The following FURIN variants were observed in gnomAD, a reference collection of about 807,000 sequenced individuals.
The protein encoded by FURIN is furin, paired basic amino acid cleaving enzyme, also known as FES upstream region.
FURIN carries 18 observed loss-of-function variants against 89.2 expected under a neutral mutation model. That is an observed-to-expected ratio of 0.20 (90% CI 0.14 to 0.30). The LOEUF (loss-of-function observed/expected upper bound fraction) is 0.30, where lower values mean the gene tolerates loss of function less well. Ranked by LOEUF, FURIN falls within the 10% of genes least tolerant of loss-of-function variation. The probability of loss-of-function intolerance (pLI) is 1.00; values close to 1 mark genes in which losing one functional copy is unlikely to be tolerated. For missense variants in FURIN, 879 were observed against 1,100.5 expected (o/e 0.80, Z 2.85); for synonymous variants, 508 against 466.4 (o/e 1.09, Z -1.15).
chr15:90,871,879 C>T (rs1252469556), intron 1 of FURIN, among the ~76,000 whole-genome samples: 1 of 150,528 alleles, frequency 6.6e-6, no homozygotes, highest in African/African-American at 2.4e-5. Flanking sequence ...CGCTCCGCAG[C>T]CCACCTGAGC....
Position 90,876,943 on chromosome 15 carries a change from G to T in FURIN, c.420G>T (p.Gln140His), listed in dbSNP as rs1386956936. ...TGAATGTGAAGGCGGCCTGGGCGCA[G>T]GGCTACACAGGGCACGGCATTGTGG... ...RDLNVKAAWAQGYTGHGIVVS... is the reference protein window; with the variant it reads ...RDLNVKAAWAHGYTGHGIVVS... Residue 140 changes from glutamine (Q) to histidine (H), a missense_variant, in exon 5 of 16, where the codon CAG becomes CAT. Gln to His is a conservative substitution (Grantham distance 24). Around this residue, in one of 5 missense-constraint regions of FURIN, gnomAD observed 139 missense variants for 215.0 expected, o/e 0.65. Transcript: ENST00000268171. This position sits in a 1 kb window ranked among gnomAD's most constrained non-coding sequence, Gnocchi z 5.0. 2.5e-6 allele frequency: 4 copies of T among 1,614,112 alleles called. No homozygotes were observed.
chr15:90,881,751 A>C lies in FURIN; in HGVS notation c.2258A>C (p.Asp753Ala), dbSNP rs1467805566. 1.2e-6 allele frequency: 2 copies of C among 1,611,102 alleles called. No homozygotes were observed. Among genetic ancestry groups the C allele is most frequent in the African/African-American group, 1.3e-5 (1 of 74,742 alleles). ...SFRGVKVYTM[D>A]RGLISYKGLP... is the part of the protein sequence containing the mutation. Reference sequence around the variant, plus strand: ...CGGGGGGTGAAGGTGTACACCATGGACCGTGGCCTCATCTCCTACAAGGGG... The same window carrying C: ...CGGGGGGTGAAGGTGTACACCATGGCCCGTGGCCTCATCTCCTACAAGGGG... Residue 753 changes from aspartate (D) to alanine (A), a missense_variant, in exon 16 of 16, where the codon GAC becomes GCC. Asp to Ala is a moderately radical substitution (Grantham distance 126). Coordinates refer to ENST00000268171, the MANE Select transcript of FURIN (RefSeq NM_002569.4). This position sits in a 1 kb window ranked among gnomAD's most constrained non-coding sequence, Gnocchi z 4.3.
chr15:90,879,306 TG>T, intron 9 of FURIN, 137 bp from the exon 10 acceptor site: 1 of 683,824 alleles, frequency 1.5e-6, no homozygotes. Flanking sequence ...AGGCAGCAGC[TG>T]GGACCTGGGG....
intron 1 of FURIN, among the ~76,000 whole-genome samples, chr15:90,873,279 C>G (rs1366413748): frequency 2.0e-5 from 3 of 152,202 alleles, no homozygotes; most frequent in African/African-American, 7.2e-5. Flanking sequence ...TAGAGGGAGG[C>G]TGGCCCTCTT....
chr15:90,878,566 G>A (rs946446156), intron 8 of FURIN, among the ~76,000 whole-genome samples, 198 bp from the exon 9 acceptor site: 10 of 152,250 alleles, frequency 6.6e-5, no homozygotes, highest in African/African-American at 2.2e-4. Flanking sequence ...CGATCCTCCC[G>A]CCTTGGCCTC....
chr15:90,878,734 T>G (rs1471908658), intron 8 of FURIN, 30 bp from the exon 9 acceptor site: 24 of 1,397,426 alleles, frequency 1.7e-5, no homozygotes, highest in Non-Finnish European at 2.4e-5. Flanking sequence ...AGTCCCAATC[T>G]TGAATGACCC....
rs1289043565 is a variant in FURIN, at chr15:90,876,898, T to C, written c.375T>C (p.Ser125=). ...TGATGGGGTGGGTGTCTCCACAGTC[T>C]GGTGTCACTCAGCGGGACCTGAATG... ...DPKFPQQWYL[S]GVTQRDLNVK... Residue 125 remains serine (S), a splice_region_variant and synonymous_variant, in exon 5 of 16, where the codon TCT becomes TCC. Coordinates refer to ENST00000268171, the MANE Select transcript of FURIN (RefSeq NM_002569.4). The surrounding 1 kb of genome is among the most constrained non-coding windows in gnomAD (Gnocchi z 5.0). The C allele has an allele frequency of 6.2e-7, 1 of 1,614,108 alleles. No individual in the cohort carries two copies. The highest frequency in any genetic ancestry group is 1.7e-5 in the Admixed American group (1 of 60,024).
Position 90,882,699 on chromosome 15 carries a change from C to T in FURIN, c.*821C>T, listed in dbSNP as rs2032064745. The T allele has an allele frequency of 6.5e-6, 1 of 152,708 alleles. No homozygotes were observed. Among genetic ancestry groups the T allele is most frequent in the African/African-American group, 2.4e-5 (1 of 41,476 alleles). The allele number at this position is 152,708 out of a possible 1,614,324, so 9.5% of individuals were successfully genotyped here. On this transcript the variant is annotated 3_prime_UTR_variant, in exon 16 of 16. Transcript: ENST00000268171. ...TGGCCCAGCCGGCCTCTCTGGCCTC[C>T]CACCCGATGCTGCTTTCCCCTGTGG...
Position 90,875,681 on chromosome 15 carries a change from A to G in FURIN, c.-60A>G. ...GCAGTGAGCAGGCACCTGGGAGCCG[A>G]GGCCCTGTGACCAGGCCAAGGAGAC... On this transcript the variant is annotated 5_prime_UTR_variant, in exon 2 of 16. Coordinates refer to ENST00000268171, the MANE Select transcript of FURIN (RefSeq NM_002569.4). The G allele has an allele frequency of 7.8e-6, 11 of 1,413,706 alleles. No individual in the cohort carries two copies. Among genetic ancestry groups the G allele is most frequent in the Non-Finnish European group, 9.4e-6 (10 of 1,059,138 alleles). The allele number at this position is 1,413,706 out of a possible 1,614,324, so 87.6% of individuals were successfully genotyped here. A position where few individuals can be genotyped will look rare whatever the true frequency, so the allele number is the denominator to read the frequency against.
chr15:90,881,326 C>A lies in FURIN; in HGVS notation c.1833C>A (p.Val611=). The A allele has an allele frequency of 6.2e-7, 1 of 1,612,166 alleles. No homozygotes were observed. ...TCTCCCTGCACCAGAAGAGCTGTGT[C>A]CAGCACTGCCCTCCAGGGTTCGCCC... is the stretch of plus-strand genomic sequence containing the variant. ...EGFSLHQKSC[V]QHCPPGFAPQ... Residue 611 remains valine (V), a synonymous_variant, in exon 16 of 16, where the codon GTC becomes GTA. Coordinates refer to ENST00000268171, the MANE Select transcript of FURIN (RefSeq NM_002569.4). The surrounding 1 kb of genome is among the most constrained non-coding windows in gnomAD (Gnocchi z 4.3).
chr15:90,875,728 A>G lies in FURIN; in HGVS notation c.-13A>G. On this transcript the variant is annotated 5_prime_UTR_variant, in exon 2 of 16. Transcript: ENST00000268171. ...AGACGGGCGCTCCAGGGTCCCAGCC[A>G]CCTGTCCCCCCCATGGAGCTGAGGC... 6.5e-7 allele frequency: 1 copy of G among 1,527,328 alleles called. No individual in the cohort carries two copies. The allele number at this position is 1,527,328 out of a possible 1,614,324, so 94.6% of individuals were successfully genotyped here.
intron 1 of FURIN, among the ~76,000 whole-genome samples, chr15:90,870,130 A>G (rs545283479): frequency 6.6e-6 from 1 of 152,332 alleles, no homozygotes; most frequent in Admixed American, 6.5e-5. Flanking sequence ...CCCGAATCGT[A>G]CCTGATCCCA....
chr15:90,880,019 G>T, intron 12 of FURIN, 35 bp downstream of exon 12: 3 of 1,606,620 alleles, frequency 1.9e-6, no homozygotes, highest in Non-Finnish European at 2.6e-6. Context: ...GGGGGCCAGT[G>T]GGACCTGAGA....
At chr15:90,880,666 G>C (rs2031909339) in intron 13 of FURIN, 25 bp from the exon 14 acceptor site, 6 of 1,604,146 alleles carry the variant, frequency 3.7e-6, no homozygotes, top group South Asian at 1.1e-5. Context: ...AGAGGCCTCA[G>C]GGCTGTGTGC....
intron 6 of FURIN, 25 bp from the exon 7 acceptor site, chr15:90,877,502 C>T: frequency 1.3e-6 from 2 of 1,543,654 alleles, no homozygotes; most frequent in Non-Finnish European, 1.8e-6. Context: ...TTGTTCTACT[C>T]ATGCTACGTG....
chr15:90,874,561 C>G (rs992992175), intron 1 of FURIN, among the ~76,000 whole-genome samples: 4 of 152,248 alleles, frequency 2.6e-5, no homozygotes, highest in Non-Finnish European at 4.4e-5. Flanking sequence ...CCTAAAAGCA[C>G]CATCCCATTT....
chr15:90,880,522 C>T (rs1355932267), intron 13 of FURIN, among the ~76,000 whole-genome samples, 169 bp from the exon 14 acceptor site: 2 of 152,178 alleles, frequency 1.3e-5, no homozygotes, highest in East Asian at 1.9e-4. Flanking sequence ...TAGAATCCCC[C>T]AGTTGAGCAC....
In FURIN at chr15:90,879,475, A is replaced by T; in HGVS notation, c.1085A>T (p.Glu362Val). ...ACTGACTTGCGGCAGAAGTGCACGG[A>T]GTCTCACACGGGCACCTCAGCCTCT... ...VTTDLRQKCT[E>V]SHTGTSASAP... Residue 362 changes from glutamate to valine, a missense_variant, in exon 10 of 16, where the codon GAG becomes GTG. Transcript: ENST00000268171. 2 of 1,613,326 alleles carry T rather than the reference A, an allele frequency of 1.2e-6. No individual in the cohort carries two copies. The highest frequency in any genetic ancestry group is 1.7e-6 in the Non-Finnish European group (2 of 1,179,502).
Position 90,882,283 on chromosome 15 carries a change from A to G in FURIN, c.*405A>G. The G allele has an allele frequency of 4.9e-6, 1 of 203,122 alleles. No individual in the cohort carries two copies. The highest frequency in any genetic ancestry group is 1.0e-5 in the Non-Finnish European group (1 of 98,396). 12.6% of individuals were successfully genotyped at this position (203,122 alleles called of 1,614,324 possible). On this transcript the variant is annotated 3_prime_UTR_variant, in exon 16 of 16. Coordinates refer to ENST00000268171, the MANE Select transcript of FURIN (RefSeq NM_002569.4). ...CATCCAGGCAGTCGGGGGCTGGCCT[A>G]GGAGATATCTGAGGGAGGAGGCCAC... is the stretch of plus-strand genomic sequence containing the variant.
Sources: allele counts gnomAD v4.1 joint callset (sites outside exome capture counted in the v4.1 genomes callset), GRCh38; gene constraint gnomAD v4.1.1; regional missense constraint gnomAD v4.1.1; non-coding constraint Gnocchi (gnomAD v3.1); transcripts MANE v1.5; gene names NCBI Gene and HGNC (gene_info 2026-07-23, HGNC 2026-07-21).